Variants in KCTD8 observed in about 807,000 individuals in gnomAD.
KCTD8 encodes BTB/POZ domain-containing protein KCTD8.
KCTD8 carries 27 observed loss-of-function variants against 31.5 expected under a neutral mutation model. The ratio of observed to expected loss-of-function variants is 0.86; its 90% CI spans 0.63 to 1.18. KCTD8 has a LOEUF of 1.18. KCTD8 is among the 50% of genes most tolerant of loss of function. The pLI is 0.00. For missense variants in KCTD8, 658 were observed against 647.7 expected (o/e 1.02, Z -0.17); for synonymous variants, 290 against 280.0 (o/e 1.04, Z -0.36).
intron 1 of KCTD8, among the ~76,000 whole-genome samples, chr4:44,370,473 G>A (rs1348033476): frequency 6.6e-6 from 1 of 152,132 alleles, no homozygotes; most frequent in Non-Finnish European, 1.5e-5. Context: ...GCTAAGTAGT[G>A]GCTGGCACTG....
At chr4:44,290,062 A>G (rs571281449) in intron 1 of KCTD8, among the ~76,000 whole-genome samples, 6 of 152,112 alleles carry the variant, frequency 3.9e-5, no homozygotes, top group Non-Finnish European at 7.3e-5. Flanking sequence ...TTCTGTCTTC[A>G]AAAGACCCAC....
At chr4:44,445,136 T>C (rs1029047913) in intron 1 of KCTD8, among the ~76,000 whole-genome samples, 4 of 152,154 alleles carry the variant, frequency 2.6e-5, no homozygotes, top group Non-Finnish European at 5.9e-5. Flanking sequence ...ACGATGGAAA[T>C]ACATTTTACA....
At chr4:44,209,383 T>C (rs1025313977) in intron 1 of KCTD8, among the ~76,000 whole-genome samples, 3 of 152,148 alleles carry the variant, frequency 2.0e-5, no homozygotes, top group Non-Finnish European at 4.4e-5. Flanking sequence ...CATTTTACTT[T>C]ATAGAGTTTA....
At chr4:44,318,171 C>T (rs1164626840) in intron 1 of KCTD8, among the ~76,000 whole-genome samples, 1 of 152,202 alleles carries the variant, frequency 6.6e-6, no homozygotes, top group Non-Finnish European at 1.5e-5. Context: ...ATAAACATTT[C>T]TGATCCATTG....
At chr4:44,364,148 G>A (rs770448659) in intron 1 of KCTD8, among the ~76,000 whole-genome samples, 6 of 152,046 alleles carry the variant, frequency 3.9e-5, no homozygotes, top group Non-Finnish European at 7.4e-5. Context: ...GAAAATGCAA[G>A]TCATACACTG....
intron 1 of KCTD8, among the ~76,000 whole-genome samples, chr4:44,243,422 T>C (rs1346859561): frequency 3.3e-5 from 5 of 152,226 alleles, no homozygotes; most frequent in Non-Finnish European, 7.3e-5. Flanking sequence ...TTTAAAGTTG[T>C]AAGATGAATA....
chr4:44,388,975 C>T (rs1325206358), intron 1 of KCTD8, among the ~76,000 whole-genome samples: 1 of 151,766 alleles, frequency 6.6e-6, no homozygotes, highest in Non-Finnish European at 1.5e-5. Context: ...TTTGCAACTA[C>T]ATGGATGGAA....
At chr4:44,270,527 A>T (rs1287990252) in intron 1 of KCTD8, among the ~76,000 whole-genome samples, 5 of 151,970 alleles carry the variant, frequency 3.3e-5, no homozygotes, top group South Asian at 2.1e-4. Context: ...TGTACCCTAA[A>T]ACTTAAAGTA....
intron 1 of KCTD8, among the ~76,000 whole-genome samples, chr4:44,234,358 A>C (rs955620599): frequency 6.6e-6 from 1 of 152,192 alleles, no homozygotes; most frequent in African/African-American, 2.4e-5. Flanking sequence ...AGTAAGGTAA[A>C]ACACCTCAGG....
intron 1 of KCTD8, among the ~76,000 whole-genome samples, chr4:44,419,425 G>A (rs1285383254): frequency 6.6e-6 from 1 of 152,170 alleles, no homozygotes; most frequent in Non-Finnish European, 1.5e-5. Flanking sequence ...GAGTGCAAGT[G>A]TCCTACTATA....
At chr4:44,410,623 T>A (rs1408954449) in intron 1 of KCTD8, among the ~76,000 whole-genome samples, 1 of 152,146 alleles carries the variant, frequency 6.6e-6, no homozygotes, top group East Asian at 1.9e-4. Flanking sequence ...TCCACATGGC[T>A]GCAGAGGTCT....
chr4:44,177,554 G>C (rs1417773139), intron 1 of KCTD8, among the ~76,000 whole-genome samples: 1 of 152,166 alleles, frequency 6.6e-6, no homozygotes, highest in Admixed American at 6.5e-5. Flanking sequence ...GGTCTTTCTT[G>C]TGCTGTTCTC....
intron 1 of KCTD8, among the ~76,000 whole-genome samples, chr4:44,339,365 G>A (rs1718835647): frequency 6.6e-6 from 1 of 152,062 alleles, no homozygotes; most frequent in Admixed American, 6.5e-5. Context: ...TAGACATACA[G>A]CAAAAGACAC....
chr4:44,335,485 T>C (rs1360532758), intron 1 of KCTD8, among the ~76,000 whole-genome samples: 1 of 152,088 alleles, frequency 6.6e-6, no homozygotes, highest in East Asian at 1.9e-4. Context: ...TTTAAAAATA[T>C]GTTTCCTACA....
At chr4:44,191,777 A>G (rs1713772476) in intron 1 of KCTD8, among the ~76,000 whole-genome samples, 1 of 152,174 alleles carries the variant, frequency 6.6e-6, no homozygotes, top group South Asian at 2.1e-4. Context: ...CAATATGTGC[A>G]CAGCTGAACG....
intron 1 of KCTD8, among the ~76,000 whole-genome samples, chr4:44,446,011 T>C (rs1721926658): frequency 6.6e-6 from 1 of 152,232 alleles, no homozygotes; most frequent in African/African-American, 2.4e-5. Context: ...TACTTTGATA[T>C]AATTAAGACA....
Position 44,366,460 on chromosome 4 carries a change from T to C in KCTD8, c.961+81103A>G, listed in dbSNP as rs114192137. 5.8e-3 allele frequency among the ~76,000 whole-genome samples: 888 copies of C among 152,354 alleles called. 7 individuals are homozygous for C. The highest frequency in any genetic ancestry group is 0.021 in the African/African-American group (854 of 41,586). On this transcript the variant is annotated intron_variant, in intron 1 of 1. Coordinates refer to ENST00000360029, the MANE Select transcript of KCTD8 (RefSeq NM_198353.3). Reference sequence around the variant, plus strand: ...TATTTTCTGCTGCCATGTGAAGATGTGCTTGCTTCCTCTTTGCCTTCTGCT... The same window carrying C: ...TATTTTCTGCTGCCATGTGAAGATGCGCTTGCTTCCTCTTTGCCTTCTGCT...
At chr4:44,231,194 T>G (rs1715109127) in intron 1 of KCTD8, among the ~76,000 whole-genome samples, 1 of 152,272 alleles carries the variant, frequency 6.6e-6, no homozygotes, top group Non-Finnish European at 1.5e-5. Flanking sequence ...TTGTTTCACA[T>G]GTAGACTAGG....
intron 1 of KCTD8, among the ~76,000 whole-genome samples, chr4:44,283,524 C>T (rs1716960130): frequency 6.6e-6 from 1 of 152,070 alleles, no homozygotes; most frequent in South Asian, 2.1e-4. Flanking sequence ...TCCAGAAGTC[C>T]TATGGACCTT....
Sources: allele counts gnomAD v4.1 joint callset (sites outside exome capture counted in the v4.1 genomes callset), GRCh38; gene constraint gnomAD v4.1.1; transcripts MANE v1.5; gene names NCBI Gene and HGNC (gene_info 2026-07-23, HGNC 2026-07-21).